TMEM117: variants seen among roughly 807,000 people sequenced by gnomAD.
TMEM117 encodes the protein transmembrane protein 117.
Under a neutral mutation model 52.4 loss-of-function variants are expected in TMEM117, and 27 were observed. The observed-to-expected ratio is 0.51, with a 90% CI of 0.38 to 0.71. The LOEUF (loss-of-function observed/expected upper bound fraction) is 0.71. Ranked by LOEUF, TMEM117 falls within the 30% of genes least tolerant of loss-of-function variation. TMEM117 has a pLI of 0.00. For synonymous variants in TMEM117, 215 were observed against 206.3 expected (o/e 1.04, Z -0.36); for missense variants, 556 against 630.5 (o/e 0.88, Z 1.26).
At chr12:44,248,753 C>A in intron 5 of TMEM117, 1 of 171,230 alleles carries the variant, frequency 5.8e-6, no homozygotes, top group Admixed American at 6.0e-5. Flanking sequence ...CCTGATGCAC[C>A]AGGGTGCCCC....
At chr12:43,808,743 G>C in the TMEM117 span, among the ~76,000 whole-genome samples, 52 of 145,374 alleles carry the variant, frequency 3.6e-4, no homozygotes, top group Admixed American at 3.1e-3. Flanking sequence ...CCAGGAGGTA[G>C]AGGCTGCAAT....
At chr12:44,290,050 A>C (rs1950685606) in intron 5 of TMEM117, among the ~76,000 whole-genome samples, 1 of 152,024 alleles carries the variant, frequency 6.6e-6, no homozygotes, top group Non-Finnish European at 1.5e-5. Context: ...TTTTCTAACC[A>C]GGTTATTTCA....
Position 44,389,124 on chromosome 12 carries a change from C to G in TMEM117, c.*452C>G, listed in dbSNP as rs549150148. On this transcript the variant is annotated 3_prime_UTR_variant, in exon 8 of 8. Transcript: ENST00000266534. ...AGAAAACAGAAATAGCTAAATGTGA[C>G]TCAGGAAGTATCTCTTGGTTTCTTA... is the stretch of plus-strand genomic sequence containing the variant. 1.4e-4 allele frequency: 22 copies of G among 159,324 alleles called. No homozygotes were observed. In the South Asian group the frequency reaches 3.7e-3, roughly 27 times the overall value. The allele number at this position is 159,324 out of a possible 1,614,324, so 9.9% of individuals were successfully genotyped here.
the TMEM117 span, among the ~76,000 whole-genome samples, chr12:43,803,751 G>A: frequency 6.6e-6 from 1 of 151,870 alleles, no homozygotes; most frequent in Admixed American, 6.6e-5. Flanking sequence ...AAACTATTCT[G>A]GTATTTTTTA....
chr12:44,299,429 G>A (rs1289141736), intron 5 of TMEM117, 151 bp from the exon 6 acceptor site: 5 of 1,011,730 alleles, frequency 4.9e-6, no homozygotes, highest in African/African-American at 1.6e-5. Context: ...CACCATGCCC[G>A]GCCAACTTTT....
At chr12:43,889,693 G>C (rs766932523) in intron 2 of TMEM117, among the ~76,000 whole-genome samples, 6 of 152,190 alleles carry the variant, frequency 3.9e-5, no homozygotes, top group Non-Finnish European at 8.8e-5. Flanking sequence ...TTATAAATAA[G>C]AGAACTGTTG....
At position 44,143,527 on chromosome 12, in the gene TMEM117, C is replaced by T. The variant is rs755162436; in HGVS notation, c.413C>T (p.Ala138Val). 3.7e-6 allele frequency: 6 copies of T among 1,610,738 alleles called. No homozygotes were observed. Among genetic ancestry groups the T allele is most frequent in the Non-Finnish European group, 4.2e-6 (5 of 1,177,884 alleles). ...GTCTTGTGTGTTTGTTTCCACAGAG[C>T]ATATATCATTACAGACTATATGGGC... ...TILLMDGNMG[A>V]YIITDYMGIR... The change falls in exon 4 of 8, where the codon GCA becomes GTA. Residue 138 changes from alanine (A) to valine (V), a missense_variant and splice_region_variant. By Grantham distance (64) the Ala-to-Val change is moderately conservative (BLOSUM62 0). This residue lies in a region of TMEM117 where 328 missense variants were observed against 371.4 expected (regional missense o/e 0.88). Transcript: ENST00000266534.
chr12:43,854,973 G>A (rs1943375219), intron 2 of TMEM117, among the ~76,000 whole-genome samples: 2 of 152,204 alleles, frequency 1.3e-5, no homozygotes, highest in South Asian at 4.1e-4. Context: ...CTTGAGGCCA[G>A]ATGTGTTTCA....
chr12:43,902,532 A>T (rs561138274), intron 2 of TMEM117, among the ~76,000 whole-genome samples: 22 of 152,320 alleles, frequency 1.4e-4, no homozygotes, highest in African/African-American at 5.1e-4. Context: ...TGTTGGTCCA[A>T]AGCCTGAGAT....
rs889497684 is a variant in TMEM117, at chr12:44,116,000, T to C, written c.411-27525T>C. On this transcript the variant is annotated intron_variant, in intron 3 of 7. Transcript: ENST00000266534. ...TTCACATTAAAATAAATGGCTACAG[T>C]TATGGTCTTTATCTCCTTTCTTTAT... is the stretch of plus-strand genomic sequence containing the variant. Among the ~76,000 whole-genome samples the C allele has an allele frequency of 6.6e-5, 10 of 152,308 alleles. No homozygotes were observed. In the South Asian group the frequency reaches 1.5e-3, roughly 22 times the overall value.
At chr12:44,322,127 G>A (rs1349505942) in intron 6 of TMEM117, among the ~76,000 whole-genome samples, 1 of 152,176 alleles carries the variant, frequency 6.6e-6, no homozygotes, top group Non-Finnish European at 1.5e-5. Flanking sequence ...GGCGACTTAT[G>A]TCAGAGAAGC....
intron 2 of TMEM117, among the ~76,000 whole-genome samples, chr12:43,884,709 G>C (rs1943959976): frequency 6.6e-6 from 1 of 152,186 alleles, no homozygotes; most frequent in South Asian, 2.1e-4. Context: ...GGTGGGAACA[G>C]GGGAAAGCCA....
rs73288096 is a variant in TMEM117, at chr12:44,138,712, C to T, written c.411-4813C>T. Among the ~76,000 whole-genome samples the T allele has an allele frequency of 4.0e-3, 604 of 152,292 alleles. 7 individuals carry two copies. The highest frequency in any genetic ancestry group is 0.014 in the African/African-American group (579 of 41,562). On this transcript the variant is annotated intron_variant, in intron 3 of 7. Coordinates refer to ENST00000266534, the MANE Select transcript of TMEM117 (RefSeq NM_032256.3). ...GCTTTTTTGTGACATTCCAGGGGAT[C>T]TTGCCCCATAGCCTCAAACCATAGG...
intron 3 of TMEM117, among the ~76,000 whole-genome samples, chr12:44,090,777 C>A (rs544387283): frequency 2.8e-4 from 43 of 151,248 alleles, no homozygotes; most frequent in African/African-American, 1.0e-3. Flanking sequence ...CACTTAATTC[C>A]TCTTTACTTC....
At chr12:44,185,153 C>T (rs1472728208) in intron 4 of TMEM117, among the ~76,000 whole-genome samples, 2 of 152,058 alleles carry the variant, frequency 1.3e-5, no homozygotes, top group African/African-American at 4.8e-5. Context: ...GTCTGTATTC[C>T]CCTTCAGCCT....
At chr12:44,380,579 C>A (rs1484651500) in intron 7 of TMEM117, among the ~76,000 whole-genome samples, 3 of 152,158 alleles carry the variant, frequency 2.0e-5, no homozygotes, top group Non-Finnish European at 4.4e-5. Context: ...TGGTCCTCAT[C>A]GAGTTCCTTA....
intron 2 of TMEM117, among the ~76,000 whole-genome samples, chr12:43,862,318 G>A (rs1439660305): frequency 6.6e-5 from 10 of 152,248 alleles, no homozygotes; most frequent in Non-Finnish European, 7.4e-5. Context: ...ACAGGCGCCC[G>A]CCACCATGCC....
At chr12:44,228,558 A>AC (rs1949892846) in intron 5 of TMEM117, among the ~76,000 whole-genome samples, 2 of 152,162 alleles carry the variant, frequency 1.3e-5, no homozygotes, top group African/African-American at 4.8e-5. Context: ...TGTCATAAAG[A>AC]AGATAAAGCA....
the TMEM117 span, chr12:43,802,506 G>C: frequency 7.1e-7 from 1 of 1,416,468 alleles, no homozygotes; most frequent in South Asian, 1.2e-5. Flanking sequence ...AATGGTTTGA[G>C]ATATCAAGTG....
Sources: gnomAD v4.1 joint callset for allele counts (sites outside exome capture counted in the v4.1 genomes callset) on GRCh38, gnomAD v4.1.1 for gene constraint, gnomAD v4.1.1 regional missense constraint, MANE v1.5 for transcripts, NCBI Gene and HGNC (gene_info 2026-07-23, HGNC 2026-07-21) for gene names.